The following GCNT2 variants were observed in gnomAD, a reference collection of about 807,000 sequenced individuals.
GCNT2 encodes glucosaminyl (N-acetyl) transferase 2 (I blood group).
In GCNT2, 34 loss-of-function variants were observed where a neutral mutation model predicts 34.2. The ratio of observed to expected loss-of-function variants is 1.00; its 90% CI spans 0.76 to 1.32. The LOEUF (loss-of-function observed/expected upper bound fraction) is 1.32. Ranked by LOEUF, GCNT2 falls within the 40% of genes most tolerant of loss-of-function variation. The pLI is 0.00. For synonymous variants in GCNT2, 212 were observed against 188.0 expected (o/e 1.13, Z -1.04); for missense variants, 584 against 489.4 (o/e 1.19, Z -1.82).
At chr6:10,561,400 G>A (rs1003100023) in intron 3 of GCNT2, among the ~76,000 whole-genome samples, 2 of 152,332 alleles carry the variant, frequency 1.3e-5, no homozygotes, top group African/African-American at 2.4e-5. Context: ...GACCTCAGCC[G>A]ATATGCCCAC....
chr6:10,581,746 C>G (rs886807459), intron 3 of GCNT2: 1 of 984,988 alleles, frequency 1.0e-6, no homozygotes, highest in African/African-American at 1.7e-5. Flanking sequence ...GGGAAAAAAC[C>G]GACTGAACCT....
In GCNT2 at chr6:10,539,180, CTTTTTTTTT is replaced by C. The variant is rs71548847; in HGVS notation, c.925+9362_925+9370del. Among the ~76,000 whole-genome samples the C allele has an allele frequency of 1.5e-4, 10 of 65,328 alleles. No homozygotes were observed. The South Asian group carries it at 3.5e-3, about 23-fold the overall frequency. The allele number at this position is 65,328 out of a possible 152,430, so 42.9% of individuals were successfully genotyped here. A position where few individuals can be genotyped will look rare whatever the true frequency, so the allele number is the denominator to read the frequency against. On this transcript the variant is annotated intron_variant, in intron 3 of 4. Transcript: ENST00000495262. Reference sequence around the variant, plus strand: ...AGCCTATCTCTACAGCTCACCGTCTCTTTTTTTTTTTTTTTTTTTTTTTTTTGAGGCAGA... The same window carrying C: ...AGCCTATCTCTACAGCTCACCGTCTCTTTTTTTTTTTTTTTTTGAGGCAGA...
intron 3 of GCNT2, chr6:10,557,177 C>T: frequency 6.5e-7 from 1 of 1,549,372 alleles, no homozygotes; most frequent in African/African-American, 1.4e-5. Flanking sequence ...GAAACCGCCT[C>T]CCCCCCATAA....
At chr6:10,586,276 C>T (rs760811432) in intron 3 of GCNT2, 8 of 1,614,198 alleles carry the variant, frequency 5.0e-6, no homozygotes, top group Non-Finnish European at 5.9e-6. Flanking sequence ...GCTGCATTCC[C>T]TTTGGCCTAT....
At chr6:10,546,867 C>G (rs754473215) in intron 3 of GCNT2, among the ~76,000 whole-genome samples, 2 of 152,046 alleles carry the variant, frequency 1.3e-5, no homozygotes, top group African/African-American at 4.8e-5. Context: ...TGTATTACAT[C>G]TTTTTCCAGA....
chr6:10,606,987 C>A (rs1765350518), intron 3 of GCNT2, among the ~76,000 whole-genome samples: 1 of 151,906 alleles, frequency 6.6e-6, no homozygotes, highest in East Asian at 1.9e-4. Flanking sequence ...CACTCTGTCA[C>A]CCAGGCTGGA....
chr6:10,558,329 A>G (rs562844257), intron 3 of GCNT2, among the ~76,000 whole-genome samples: 1 of 152,238 alleles, frequency 6.6e-6, no homozygotes, highest in South Asian at 2.1e-4. Context: ...ATGAAGCTTT[A>G]CTATGGCACC....
At chr6:10,584,990 T>C (rs1159543299) in intron 3 of GCNT2, among the ~76,000 whole-genome samples, 1 of 151,856 alleles carries the variant, frequency 6.6e-6, no homozygotes, top group Non-Finnish European at 1.5e-5. Flanking sequence ...GTCCTGCCTG[T>C]GCCCCCAAGG....
Position 10,594,489 on chromosome 6 carries a change from A to C in GCNT2, c.926-26862A>C, listed in dbSNP as rs559186589. ...AAATGCAATATTGAATTTTAGCTTT[A>C]TCTCCGTTAGTTTGATGACCTTGTG... is the stretch of plus-strand genomic sequence containing the variant. On this transcript the variant is annotated intron_variant, in intron 3 of 4. Coordinates refer to ENST00000495262, the MANE Select transcript of GCNT2 (RefSeq NM_145649.5). Among the ~76,000 whole-genome samples the C allele has an allele frequency of 5.9e-5, 9 of 152,348 alleles. No individual in the cohort carries two copies. The South Asian group carries it at 1.7e-3, about 28-fold the overall frequency.
intron 3 of GCNT2, among the ~76,000 whole-genome samples, chr6:10,549,534 T>G (rs1015956769): frequency 2.7e-5 from 4 of 150,790 alleles, no homozygotes; most frequent in Non-Finnish European, 5.9e-5. Flanking sequence ...ATTTTCTGCC[T>G]TACTTCCTTT....
chr6:10,525,067 ATAATT>A (rs1761122152), intron 1 of GCNT2, among the ~76,000 whole-genome samples: 1 of 152,144 alleles, frequency 6.6e-6, no homozygotes, highest in Non-Finnish European at 1.5e-5. Flanking sequence ...TGGTCCATGA[ATAATT>A]AAGGTGAGGA....
chr6:10,557,226 C>T, intron 3 of GCNT2: 1 of 1,592,888 alleles, frequency 6.3e-7, no homozygotes, highest in Non-Finnish European at 8.5e-7. Context: ...GTGGCTCTAT[C>T]AAGAGAGTTT....
chr6:10,577,214 C>G (rs926277079), intron 3 of GCNT2, among the ~76,000 whole-genome samples: 2 of 152,262 alleles, frequency 1.3e-5, no homozygotes, highest in South Asian at 4.1e-4. Flanking sequence ...AATCACACCT[C>G]GCCCAAGGGG....
chr6:10,582,038 A>G, intron 3 of GCNT2: 1 of 181,920 alleles, frequency 5.5e-6, no homozygotes, highest in Non-Finnish European at 1.0e-5. Flanking sequence ...TATGTATTAT[A>G]TGTATATATT....
chr6:10,549,457 C>A (rs941775705), intron 3 of GCNT2, among the ~76,000 whole-genome samples: 3 of 151,738 alleles, frequency 2.0e-5, no homozygotes, highest in Non-Finnish European at 4.4e-5. Context: ...GTTGTCATAC[C>A]AATTCACACT....
At chr6:10,585,028 AGTCAGTGTGTGTGTGTGTGT>A (rs1228731099) in intron 3 of GCNT2, among the ~76,000 whole-genome samples, 3 of 124,710 alleles carry the variant, frequency 2.4e-5, no homozygotes, top group African/African-American at 1.2e-4. Context: ...CTCTTCCCAT[AGTCAGTGTGTGTGTGTGTGT>A]GTGTGTGTGT....
chr6:10,553,061 C>T (rs1432936777), intron 3 of GCNT2, among the ~76,000 whole-genome samples: 2 of 152,210 alleles, frequency 1.3e-5, no homozygotes, highest in Non-Finnish European at 2.9e-5. Flanking sequence ...AGTGTTGCTG[C>T]TCAAACCTGT....
intron 3 of GCNT2, among the ~76,000 whole-genome samples, chr6:10,579,619 C>G (rs908195489): frequency 2.0e-5 from 3 of 151,864 alleles, no homozygotes; most frequent in Non-Finnish European, 2.9e-5. Context: ...AGCTTGAGAC[C>G]AGCCTGGCCT....
At chr6:10,582,202 A>G (rs1214068512) in intron 3 of GCNT2, among the ~76,000 whole-genome samples, 2 of 128,100 alleles carry the variant, frequency 1.6e-5, no homozygotes, top group Non-Finnish European at 3.1e-5. Flanking sequence ...TATAATATAT[A>G]AAATTTATTA....
Sources: allele counts gnomAD v4.1 joint callset (sites outside exome capture counted in the v4.1 genomes callset), GRCh38; gene constraint gnomAD v4.1.1; transcripts MANE v1.5; gene names NCBI Gene and HGNC (gene_info 2026-07-23, HGNC 2026-07-21).